Variants in HECTD4 observed in about 807,000 individuals in gnomAD.
HECTD4 encodes HECT domain E3 ubiquitin protein ligase 4, also known as probable E3 ubiquitin-protein ligase HECTD4.
In HECTD4, 114 loss-of-function variants were observed where a neutral mutation model predicts 471.5. The observed-to-expected ratio is 0.24, with a 90% CI of 0.21 to 0.28. The LOEUF is 0.28. HECTD4 is among the 10% of genes least tolerant of loss of function. The pLI, the probability that HECTD4 is intolerant of heterozygous loss-of-function variation, is 1.00. For synonymous variants in HECTD4, 2,012 were observed against 2,256.0 expected (o/e 0.89, Z 3.07); for missense variants, 3,866 against 5,651.5 (o/e 0.68, Z 10.13).
intron 17 of HECTD4, among the ~76,000 whole-genome samples, chr12:112,263,724 T>TACACAC (rs367597011): frequency 1.6e-5 from 2 of 125,050 alleles, no homozygotes; most frequent in African/African-American, 5.6e-5. Flanking sequence ...TATATATATA[T>TACACAC]ACACACACAC....
intron 44 of HECTD4, among the ~76,000 whole-genome samples, chr12:112,224,293 T>TCTCG (rs2033172053): frequency 6.7e-6 from 1 of 149,662 alleles, no homozygotes; most frequent in South Asian, 2.1e-4. Flanking sequence ...TGAGATGGAG[T>TCTCG]CTCGCTCTGT....
chr12:112,230,076 T>A (rs1350773340), intron 40 of HECTD4, among the ~76,000 whole-genome samples, 196 bp from the exon 41 acceptor site: 1 of 152,156 alleles, frequency 6.6e-6, no homozygotes, highest in East Asian at 1.9e-4. Context: ...AAATTGGAAA[T>A]ACACAACTGG....
intron 1 of HECTD4, among the ~76,000 whole-genome samples, chr12:112,365,529 C>G (rs552204450): frequency 3.2e-4 from 49 of 152,298 alleles, no homozygotes; most frequent in African/African-American, 1.1e-3. Flanking sequence ...CCACATTCAA[C>G]TGCTCAATAG....
intron 59 of HECTD4, among the ~76,000 whole-genome samples, chr12:112,191,269 G>A (rs2032069686): frequency 6.6e-6 from 1 of 152,236 alleles, no homozygotes; most frequent in Non-Finnish European, 1.5e-5. Context: ...CCAGAATGGG[G>A]AAAGTAAGTA....
At chr12:112,262,945 A>G (rs2034182857) in intron 17 of HECTD4, among the ~76,000 whole-genome samples, 1 of 151,964 alleles carries the variant, frequency 6.6e-6, no homozygotes, top group African/African-American at 2.4e-5. Context: ...ATTTTTTTTA[A>G]TCTTTAAGAG....
intron 1 of HECTD4, among the ~76,000 whole-genome samples, chr12:112,323,510 C>T (rs2035626326): frequency 6.6e-6 from 1 of 151,924 alleles, no homozygotes; most frequent in Non-Finnish European, 1.5e-5. Context: ...AACACAACTA[C>T]TTTAAGGAAT....
Position 112,184,446 on chromosome 12 carries a change from A to C in HECTD4, c.10520T>G (p.Leu3507Arg), listed in dbSNP as rs2031785972. The change falls in exon 61 of 76, where the codon CTC becomes CGC. Residue 3507 changes from leucine to arginine, a missense_variant. Physicochemically the swap from Leu to Arg is moderately radical, Grantham distance 102. Around this residue, in one of 16 missense-constraint regions of HECTD4, gnomAD observed 192 missense variants for 189.9 expected, o/e 1.01. Transcript: ENST00000682272. This position sits in a 1 kb window ranked among gnomAD's most constrained non-coding sequence, Gnocchi z 9.1. Reference sequence around the variant, plus strand: ...GCCGGCAGGCAGCGGATCCACAGAGAGGTCGCTGACGGTTTGGGAGATGCC... The same window carrying C: ...GCCGGCAGGCAGCGGATCCACAGAGCGGTCGCTGACGGTTTGGGAGATGCC... ...SQGISQTVSDLSVDPLPAGLE... is the reference protein window; with the variant it reads ...SQGISQTVSDRSVDPLPAGLE... The C allele has an allele frequency of 6.2e-7, 1 of 1,606,144 alleles. No homozygotes were observed.
intron 1 of HECTD4, among the ~76,000 whole-genome samples, chr12:112,325,302 C>T (rs2035717714): frequency 6.6e-6 from 1 of 152,182 alleles, no homozygotes; most frequent in Admixed American, 6.5e-5. Flanking sequence ...AACATACACA[C>T]TTAAATGACT....
At chr12:112,374,247 G>C (rs1201500416) in intron 1 of HECTD4, among the ~76,000 whole-genome samples, 1 of 152,072 alleles carries the variant, frequency 6.6e-6, no homozygotes, top group East Asian at 1.9e-4. Flanking sequence ...ACCACTTAAA[G>C]CACAGGAGTG....
Position 112,179,737 on chromosome 12 carries a change from A to G in HECTD4, c.10988-340T>C, listed in dbSNP as rs951657833. Among the ~76,000 whole-genome samples the G allele has an allele frequency of 6.6e-6, 1 of 152,030 alleles. No homozygotes were observed. Among genetic ancestry groups the G allele is most frequent in the Admixed American group, 6.5e-5 (1 of 15,276 alleles). ...CACCTCAGTGCTCACCCTCACTCTT[A>G]TATCTGCAGGGAATTAACTTCCACT... On this transcript the variant is annotated intron_variant, in intron 62 of 75. Coordinates refer to ENST00000682272, the MANE Select transcript of HECTD4 (RefSeq NM_001388303.1). The surrounding 1 kb of genome is among the most constrained non-coding windows in gnomAD (Gnocchi z 4.3).
chr12:112,167,322 C>A lies in HECTD4; in HGVS notation c.12529G>T (p.Glu4177Ter). The stretch of plus-strand genomic sequence containing the variant: ...GAACTGTGCCTTGCACTCACGCTCT[C>A]AAACTTCTTGACGTAATTGTAGGTG... ...ILTYNYVKKF[E>*]SINDETELEA... is the part of the protein sequence containing the mutation. Residue 4177 changes from glutamate to a stop codon, truncating the protein, a stop_gained, in exon 72 of 76, where the codon GAG becomes TAG. Transcript: ENST00000682272. LOFTEE classifies it high-confidence loss of function. 6.2e-7 allele frequency: 1 copy of A among 1,610,046 alleles called. No individual in the cohort carries two copies. The highest frequency in any genetic ancestry group is 1.1e-5 in the South Asian group (1 of 90,650).
intron 45 of HECTD4, 32 bp from the exon 46 acceptor site, chr12:112,217,227 G>A (rs1051779136): frequency 1.4e-6 from 2 of 1,469,840 alleles, no homozygotes; most frequent in Admixed American, 2.5e-5. Context: ...ATATTCAGTA[G>A]AACTGCAAAC....
chr12:112,291,034 G>T (rs1159218516), intron 7 of HECTD4, among the ~76,000 whole-genome samples: 1 of 151,848 alleles, frequency 6.6e-6, no homozygotes, highest in Non-Finnish European at 1.5e-5. Flanking sequence ...CTTTCACCTG[G>T]TCTGTGGCAA....
intron 1 of HECTD4, among the ~76,000 whole-genome samples, chr12:112,376,536 A>G (rs538830819): frequency 6.6e-6 from 1 of 152,080 alleles, no homozygotes; most frequent in Non-Finnish European, 1.5e-5. Context: ...ATGAGCCACC[A>G]CGCCCGGCCA....
chr12:112,374,334 T>A (rs897930313), intron 1 of HECTD4, among the ~76,000 whole-genome samples: 3 of 152,122 alleles, frequency 2.0e-5, no homozygotes, highest in Admixed American at 6.6e-5. Context: ...TAGAAAAATA[T>A]GTTTAAAAAA....
intron 54 of HECTD4, 27 bp from the exon 55 acceptor site, chr12:112,200,825 T>G (rs1292754138): frequency 3.1e-6 from 5 of 1,601,358 alleles, no homozygotes; most frequent in Non-Finnish European, 4.3e-6. Flanking sequence ...AAATGTCTGT[T>G]TGTGCTGTTT....
In HECTD4 at chr12:112,171,277, A is replaced by C. The variant is rs1321661205; in HGVS notation, c.11786-14T>G. On this transcript the variant is annotated splice_polypyrimidine_tract_variant and intron_variant, in intron 67 of 75. Transcript: ENST00000682272. ...CGATGGGCACGTCTGAGGGCGCAGG[A>C]GCAGTCAGGCTGAGATCTCGGCCAG... The C allele has an allele frequency of 6.3e-7, 1 of 1,592,238 alleles. No homozygotes were observed. Among genetic ancestry groups the C allele is most frequent in the South Asian group, 1.1e-5 (1 of 88,000 alleles).
Position 112,319,686 on chromosome 12 carries a change from A to C in HECTD4, c.234T>G (p.Val78=). The change falls in exon 2 of 76, where the codon GTT becomes GTG. Residue 78 remains valine (V), a synonymous_variant. Coordinates refer to ENST00000682272, the MANE Select transcript of HECTD4 (RefSeq NM_001388303.1). This position sits in a 1 kb window ranked among gnomAD's most constrained non-coding sequence, Gnocchi z 5.3. ...PSELAERLRS[V]CGNQSNAYAR... is the part of the protein sequence containing the mutation. ...CATAGGCATTGCTCTGATTCCCACA[A>C]ACAGAGCGCAAACGTTCTGCTAATT... 1.5e-6 allele frequency: 2 copies of C among 1,302,050 alleles called. No homozygotes were observed. The highest frequency in any genetic ancestry group is 1.9e-6 in the Non-Finnish European group (2 of 1,028,554). The allele number at this position is 1,302,050 out of a possible 1,614,324, so 80.7% of individuals were successfully genotyped here. A position where few individuals can be genotyped will look rare whatever the true frequency, so the allele number is the denominator to read the frequency against.
At chr12:112,257,354 A>G (rs2034040305) in intron 20 of HECTD4, among the ~76,000 whole-genome samples, 1 of 152,246 alleles carries the variant, frequency 6.6e-6, no homozygotes, top group South Asian at 2.1e-4. Flanking sequence ...CACTGCGAAA[A>G]GCTCAATTCC....
Sources: gnomAD v4.1 joint callset for allele counts (sites outside exome capture counted in the v4.1 genomes callset) on GRCh38, gnomAD v4.1.1 for gene constraint, gnomAD v4.1.1 regional missense constraint, Gnocchi (gnomAD v3.1) non-coding constraint, MANE v1.5 for transcripts, NCBI Gene and HGNC (gene_info 2026-07-23, HGNC 2026-07-21) for gene names.